BFSP2: variants seen among roughly 807,000 people sequenced by gnomAD.
The protein encoded by BFSP2 is beaded filament structural protein 2.
A neutral mutation model predicts 44.9 loss-of-function variants in BFSP2; 38 were observed. That is an observed-to-expected ratio of 0.85 (90% CI 0.65 to 1.11). BFSP2 has a LOEUF of 1.11. Ranked by LOEUF, BFSP2 falls within the 50% of genes least tolerant of loss-of-function variation. BFSP2 has a pLI of 0.00. For missense variants in BFSP2, 525 were observed against 533.0 expected, an observed-to-expected ratio of 0.99 and a Z score of 0.15; for synonymous variants, 197 against 209.9, an observed-to-expected ratio of 0.94 and a Z score of 0.53.
At chr3:133,473,152 C>A (rs996178861) in intron 6 of BFSP2, among the ~76,000 whole-genome samples, 1 of 151,990 alleles carries the variant, frequency 6.6e-6, no homozygotes, top group African/African-American at 2.4e-5. Flanking sequence ...GTCTGAGAGT[C>A]TTCCTTTCTA....
At chr3:133,472,926 A>G (rs2074179269) in intron 6 of BFSP2, among the ~76,000 whole-genome samples, 1 of 151,800 alleles carries the variant, frequency 6.6e-6, no homozygotes, top group African/African-American at 2.4e-5. Flanking sequence ...TCCTGAAACT[A>G]ATGTGCACTC....
intron 1 of BFSP2, among the ~76,000 whole-genome samples, chr3:133,427,795 A>G (rs1227486358): frequency 6.6e-6 from 1 of 152,228 alleles, no homozygotes; most frequent in Admixed American, 6.5e-5. Flanking sequence ...GGGGTAAAGC[A>G]TATCTATCCC....
In BFSP2 at chr3:133,475,163, A is replaced by G. The variant is rs2074202316; in HGVS notation, c.*191A>G. On this transcript the variant is annotated 3_prime_UTR_variant, in exon 7 of 7. Transcript: ENST00000302334. ...ATCTGAGTAGTCTGTAGCTTGAGCA[A>G]TCTCCCTTGTCCTCCTTCAAATAAA... The G allele has an allele frequency of 4.0e-6, 3 of 759,220 alleles. No homozygotes were observed. Among genetic ancestry groups the G allele is most frequent in the Non-Finnish European group, 2.2e-6 (1 of 452,812 alleles). The allele number at this position is 759,220 out of a possible 1,614,324, so 47.0% of individuals were successfully genotyped here.
intron 1 of BFSP2, among the ~76,000 whole-genome samples, chr3:133,438,905 A>G (rs577586931): frequency 2.0e-5 from 3 of 152,180 alleles, no homozygotes; most frequent in Non-Finnish European, 2.9e-5. Flanking sequence ...ATAGTTATAC[A>G]TAGTTGAAAT....
intron 1 of BFSP2, among the ~76,000 whole-genome samples, chr3:133,428,336 G>T (rs1463865643): frequency 1.9e-5 from 2 of 103,154 alleles, no homozygotes; most frequent in African/African-American, 6.6e-5. Flanking sequence ...CCCAAGCCAG[G>T]GCGCTGGGCT....
intron 1 of BFSP2, among the ~76,000 whole-genome samples, chr3:133,424,240 T>G (rs866590388): frequency 0.85 from 123,630 of 146,240 alleles, 52,566 homozygotes; most frequent in Middle Eastern, 0.94. Context: ...TTTTTTTTTT[T>G]TGTATTTTTA....
intron 6 of BFSP2, among the ~76,000 whole-genome samples, chr3:133,472,908 A>G (rs2074179196): frequency 1.3e-5 from 2 of 151,614 alleles, no homozygotes; most frequent in South Asian, 4.2e-4. Flanking sequence ...GAGGCTATAA[A>G]CCAGTGCTCC....
At chr3:133,468,731 C>A (rs1220959267) in intron 5 of BFSP2, among the ~76,000 whole-genome samples, 2 of 152,132 alleles carry the variant, frequency 1.3e-5, no homozygotes, top group Non-Finnish European at 2.9e-5. Context: ...AAAGCAGTCA[C>A]AAGACTATCC....
intron 1 of BFSP2, among the ~76,000 whole-genome samples, chr3:133,418,559 C>A (rs2073565678): frequency 1.3e-5 from 2 of 152,112 alleles, no homozygotes; most frequent in South Asian, 4.1e-4. Context: ...CCAGGGACAG[C>A]CTTGGGTAGG....
At chr3:133,403,354 C>T (rs2073377429) in intron 1 of BFSP2, among the ~76,000 whole-genome samples, 2 of 152,158 alleles carry the variant, frequency 1.3e-5, no homozygotes, top group South Asian at 2.1e-4. Context: ...CTGCAGCTGC[C>T]TCTTCCCCCC....
intron 1 of BFSP2, among the ~76,000 whole-genome samples, chr3:133,426,333 AAGCACCTGTC>A (rs1256147333): frequency 6.6e-6 from 1 of 152,160 alleles, no homozygotes; most frequent in East Asian, 1.9e-4. Flanking sequence ...CCAAAGATGG[AAGCACCTGTC>A]AGGCATTGTA....
intron 1 of BFSP2, among the ~76,000 whole-genome samples, chr3:133,423,029 T>G (rs1435811711): frequency 6.6e-6 from 1 of 152,226 alleles, no homozygotes; most frequent in Non-Finnish European, 1.5e-5. Context: ...ATTTTGAGCT[T>G]CTTTGTTACA....
intron 1 of BFSP2, among the ~76,000 whole-genome samples, chr3:133,432,492 G>A (rs1380014906): frequency 6.6e-6 from 1 of 152,076 alleles, no homozygotes; most frequent in Non-Finnish European, 1.5e-5. Flanking sequence ...AAGGTTTCAG[G>A]GACAGCTCTC....
chr3:133,462,215 C>A (rs994408299), intron 4 of BFSP2, among the ~76,000 whole-genome samples: 1 of 151,564 alleles, frequency 6.6e-6, no homozygotes, highest in East Asian at 1.9e-4. Context: ...AGATAACTAA[C>A]CTACAGTTTC....
intron 3 of BFSP2, chr3:133,448,926 G>GA (rs1252306533): frequency 9.8e-5 from 44 of 447,490 alleles, no homozygotes; most frequent in African/African-American, 6.9e-4. Flanking sequence ...TGTTAAATTA[G>GA]AGGGAGCAAC....
intron 1 of BFSP2, among the ~76,000 whole-genome samples, chr3:133,446,606 A>T (rs866636053): frequency 2.3e-5 from 1 of 44,346 alleles, no homozygotes; most frequent in African/African-American, 1.0e-4. Context: ...ATATATATAT[A>T]TATATATATA....
At chr3:133,412,335 A>C (rs2073462925) in intron 1 of BFSP2, 1 of 152,244 alleles carries the variant, frequency 6.6e-6, no homozygotes, top group Non-Finnish European at 1.5e-5. Flanking sequence ...AAATGAAATG[A>C]TGTGTGTAAA....
chr3:133,414,429 A>C (rs1369210216), intron 1 of BFSP2, among the ~76,000 whole-genome samples: 73 of 9,692 alleles, frequency 7.5e-3, no homozygotes, highest in Middle Eastern at 0.045. Context: ...ACTTACCCCT[A>C]TACTCACCCC....
At chr3:133,472,248 C>A in intron 5 of BFSP2, 97 bp from the exon 6 acceptor site, 1 of 1,346,146 alleles carries the variant, frequency 7.4e-7, no homozygotes, top group Non-Finnish European at 1.0e-6. Context: ...GGGAATAGTC[C>A]AGGCTACCAC....
Sources: allele counts gnomAD v4.1 joint callset (sites outside exome capture counted in the v4.1 genomes callset), GRCh38; gene constraint gnomAD v4.1.1; transcripts MANE v1.5; gene names NCBI Gene and HGNC (gene_info 2026-07-23, HGNC 2026-07-21).